The following PLEKHH1 variants were observed in gnomAD, a reference collection of about 807,000 sequenced individuals.
PLEKHH1 encodes the protein pleckstrin homology domain-containing family H member 1.
Under a neutral mutation model 160.0 loss-of-function variants are expected in PLEKHH1, and 104 were observed. That is an observed-to-expected ratio of 0.65 (90% CI 0.55 to 0.76). PLEKHH1 has a LOEUF of 0.76. Ranked by LOEUF, PLEKHH1 falls within the 30% of genes least tolerant of loss-of-function variation. The probability of loss-of-function intolerance (pLI) is 0.00; values close to 1 mark genes in which losing one functional copy is unlikely to be tolerated. For missense variants in PLEKHH1, 1,427 were observed against 1,724.1 expected (o/e 0.83, Z 3.05); for synonymous variants, 619 against 678.4 (o/e 0.91, Z 1.36).
intron 2 of PLEKHH1, among the ~76,000 whole-genome samples, chr14:67,542,512 G>A (rs776852296): frequency 6.6e-6 from 1 of 152,074 alleles, no homozygotes; most frequent in Non-Finnish European, 1.5e-5. Flanking sequence ...AAACACAAAT[G>A]TCTACTTCTA....
At position 67,574,021 on chromosome 14, in the gene PLEKHH1, A is replaced by G; in HGVS notation, c.1926+134A>G. The G allele has an allele frequency of 1.4e-6, 1 of 725,694 alleles. No homozygotes were observed. Among genetic ancestry groups the G allele is most frequent in the East Asian group, 2.7e-5 (1 of 37,726 alleles). The allele number at this position is 725,694 out of a possible 1,614,324, so 45.0% of individuals were successfully genotyped here. A position where few individuals can be genotyped will look rare whatever the true frequency, so the allele number is the denominator to read the frequency against. Reference sequence around the variant, plus strand: ...AGATCAACATTTGGACGTGATCCTAACTTGTGAGTACAAGAAAGGAAGATG... The same window carrying G: ...AGATCAACATTTGGACGTGATCCTAGCTTGTGAGTACAAGAAAGGAAGATG... On this transcript the variant is annotated intron_variant, in intron 13 of 28. Coordinates refer to ENST00000329153, the MANE Select transcript of PLEKHH1 (RefSeq NM_020715.3). The surrounding 1 kb of genome is among the most constrained non-coding windows in gnomAD (Gnocchi z 4.2).
At chr14:67,564,680 T>C (rs867912275) in intron 7 of PLEKHH1, among the ~76,000 whole-genome samples, 1 of 150,698 alleles carries the variant, frequency 6.6e-6, no homozygotes, top group Middle Eastern at 3.4e-3. Flanking sequence ...CTGACATTTT[T>C]TTTTTCTTTT....
At position 67,588,644 on chromosome 14, in the gene PLEKHH1, CT is replaced by C. The variant is rs2036268351; in HGVS notation, c.*1410del. On this transcript the variant is annotated 3_prime_UTR_variant, in exon 29 of 29. Transcript: ENST00000329153. ...AAAACAAAACGAAAGAGTTCATACT[CT>C]GATTTTCCAACATCTAGGAAACTGA... 1 of 152,236 alleles carries C rather than the reference CT, an allele frequency of 6.6e-6. No homozygotes were observed. The highest frequency in any genetic ancestry group is 2.4e-5 in the African/African-American group (1 of 41,436). 9.4% of individuals were successfully genotyped at this position (152,236 alleles called of 1,614,324 possible).
chr14:67,579,764 A>G lies in PLEKHH1; in HGVS notation c.3071A>G (p.Gln1024Arg). ...TCTTCCACGGTTGATGAGTTCCTCC[A>G]GCGGCTGAACCAGGAGATAGGCATG... Reference protein sequence around the residue: ...DGSSTVDEFLQRLNQEIGMRK... With the variant: ...DGSSTVDEFLRRLNQEIGMRK... The change falls in exon 22 of 29, where the codon CAG (glutamine) becomes CGG (arginine). Residue 1024 changes from glutamine to arginine, a missense_variant. Gln to Arg is a conservative substitution (Grantham distance 43, BLOSUM62 1). Transcript: ENST00000329153. 1 of 1,612,890 alleles carries G rather than the reference A, an allele frequency of 6.2e-7. No individual in the cohort carries two copies. Among genetic ancestry groups the G allele is most frequent in the Non-Finnish European group, 8.5e-7 (1 of 1,179,480 alleles).
chr14:67,578,477 A>C lies in PLEKHH1; in HGVS notation c.2752-57A>C. 1 of 1,184,850 alleles carries C rather than the reference A, an allele frequency of 8.4e-7. No homozygotes were observed. The highest frequency in any genetic ancestry group is 1.2e-6 in the Non-Finnish European group (1 of 807,248). The allele number at this position is 1,184,850 out of a possible 1,614,324, so 73.4% of individuals were successfully genotyped here. ...GAAGGCTCTGTAGCTCAGGGCTATG[A>C]GGACAGGTGGTGCTGTAGGCCCAGC... On this transcript the variant is annotated intron_variant, in intron 19 of 28. Coordinates refer to ENST00000329153, the MANE Select transcript of PLEKHH1 (RefSeq NM_020715.3). This position sits in a 1 kb window ranked among gnomAD's most constrained non-coding sequence, Gnocchi z 5.0.
rs765267424 is a variant in PLEKHH1, at chr14:67,578,792, C to T, written c.2849+161C>T. Among the ~76,000 whole-genome samples the T allele has an allele frequency of 1.3e-4, 20 of 152,164 alleles. No homozygotes were observed. The highest frequency in any genetic ancestry group is 2.0e-4 in the Admixed American group (3 of 15,264). On this transcript the variant is annotated intron_variant, in intron 20 of 28. Transcript: ENST00000329153. The surrounding 1 kb of genome is among the most constrained non-coding windows in gnomAD (Gnocchi z 5.0). ...CCATTGCCGTGTGCACAAATGGGCA[C>T]GTGTGGATCTGGGCATGCTTAAGCT...
At chr14:67,555,208 G>A (rs2034545654) in intron 2 of PLEKHH1, among the ~76,000 whole-genome samples, 1 of 152,244 alleles carries the variant, frequency 6.6e-6, no homozygotes, top group Non-Finnish European at 1.5e-5. Context: ...ATGAGCCACT[G>A]TGACCAGCTC....
chr14:67,549,126 T>G (rs1007857346), intron 2 of PLEKHH1, among the ~76,000 whole-genome samples: 4 of 152,172 alleles, frequency 2.6e-5, no homozygotes, highest in African/African-American at 9.7e-5. Flanking sequence ...GTTGGAAGTA[T>G]GTTGAAGTTT....
At chr14:67,584,226 C>A in intron 26 of PLEKHH1, 102 bp downstream of exon 26, 2 of 1,131,004 alleles carry the variant, frequency 1.8e-6, no homozygotes, top group Non-Finnish European at 2.5e-6. Context: ...TACCAGTAAC[C>A]ACCAGAGGTC....
rs749496824 is a variant in PLEKHH1 at position 67,579,766 on chromosome 14, C to T, written c.3073C>T (p.Arg1025Trp). 45 of 1,612,582 alleles carry T rather than the reference C, an allele frequency of 2.8e-5. No homozygotes were observed. Among genetic ancestry groups the T allele is most frequent in the East Asian group, 1.1e-4 (5 of 44,870 alleles). ...TTCCACGGTTGATGAGTTCCTCCAGCGGCTGAACCAGGAGATAGGCATGAG... is the reference window on the plus strand; with the variant it reads ...TTCCACGGTTGATGAGTTCCTCCAGTGGCTGAACCAGGAGATAGGCATGAG... ...GSSTVDEFLQ[R>W]LNQEIGMRKP... Residue 1025 changes from arginine (R) to tryptophan (W), a missense_variant, in exon 22 of 29, where the codon CGG becomes TGG. By Grantham distance (101) the Arg-to-Trp change is moderately radical. Transcript: ENST00000329153.
intron 7 of PLEKHH1, among the ~76,000 whole-genome samples, chr14:67,567,459 C>A (rs2035157264): frequency 6.6e-6 from 1 of 152,164 alleles, no homozygotes; most frequent in African/African-American, 2.4e-5. Flanking sequence ...AGAGGCTTGT[C>A]CTTGGTTAAA....
intron 7 of PLEKHH1, among the ~76,000 whole-genome samples, chr14:67,568,211 T>C (rs2035200397): frequency 6.6e-6 from 1 of 151,990 alleles, no homozygotes; most frequent in Admixed American, 6.5e-5. Flanking sequence ...CCATCAATGG[T>C]AGACTGGATA....
chr14:67,567,421 A>G (rs2035155131), intron 7 of PLEKHH1, among the ~76,000 whole-genome samples: 1 of 152,028 alleles, frequency 6.6e-6, no homozygotes, highest in African/African-American at 2.4e-5. Context: ...AATCCTTCAA[A>G]CTTCAGTTTC....
At chr14:67,585,749 CATG>C in intron 27 of PLEKHH1, 95 bp downstream of exon 27, 1 of 1,055,550 alleles carries the variant, frequency 9.5e-7, no homozygotes, top group South Asian at 1.5e-5. Flanking sequence ...ACCAAGTGAC[CATG>C]GCTGCCCTAC....
intron 28 of PLEKHH1, chr14:67,586,862 T>G: frequency 6.6e-7 from 1 of 1,511,856 alleles, no homozygotes; most frequent in Non-Finnish European, 8.8e-7. Context: ...GCACTGTGCA[T>G]CTGAGAGGAT....
In PLEKHH1 at chr14:67,573,861, C is replaced by T. The variant is rs758826705; in HGVS notation, c.1900C>T (p.Arg634Ter). 6.2e-7 allele frequency: 1 copy of T among 1,613,384 alleles called. No individual in the cohort carries two copies. The highest frequency in any genetic ancestry group is 8.5e-7 in the Non-Finnish European group (1 of 1,179,398). The change falls in exon 13 of 29, where the codon CGA (arginine) becomes TGA (stop). Residue 634 changes from arginine (R) to a stop codon, truncating the protein, a stop_gained. Transcript: ENST00000329153. LOFTEE classifies it high-confidence loss of function. The surrounding 1 kb of genome is among the most constrained non-coding windows in gnomAD (Gnocchi z 4.8). ...TCTGAACTCCCGCTGCCAAATTGTTCGAGGGGAGGGTTCACAGACGTTTCA... is the reference window on the plus strand; with the variant it reads ...TCTGAACTCCCGCTGCCAAATTGTTTGAGGGGAGGGTTCACAGACGTTTCA... ...VDLNSRCQIV[R>*]GEGSQTFQLI...
In PLEKHH1 at chr14:67,562,404, A is replaced by G. The variant is rs202043227; in HGVS notation, c.773A>G (p.His258Arg). ...ETVEAKPLQP[H>R]LGRESPPHQP... ...GTAGAGGCCAAGCCCCTTCAACCTC[A>G]TCTGGGAAGAGAGAGCCCTCCCCAC... Residue 258 changes from histidine (H) to arginine (R), a missense_variant, in exon 7 of 29, where the codon CAT becomes CGT. Physicochemically the swap from His to Arg is conservative, Grantham distance 29. Around this residue, in one of 6 missense-constraint regions of PLEKHH1, gnomAD observed 831 missense variants for 929.2 expected, o/e 0.89. Coordinates refer to ENST00000329153, the MANE Select transcript of PLEKHH1 (RefSeq NM_020715.3). The G allele has an allele frequency of 6.2e-6, 10 of 1,613,866 alleles. No homozygotes were observed. Among genetic ancestry groups the G allele is most frequent in the Non-Finnish European group, 3.4e-6 (4 of 1,179,766 alleles).
At position 67,578,872 on chromosome 14, in the gene PLEKHH1, A is replaced by G. The variant is rs2035755406; in HGVS notation, c.2849+241A>G. ...ATGTACTGTGGCAACTCTCACATGA[A>G]GCCACACTGCTCCCAAACTGTCCCC... On this transcript the variant is annotated intron_variant, in intron 20 of 28. Coordinates refer to ENST00000329153, the MANE Select transcript of PLEKHH1 (RefSeq NM_020715.3). The surrounding 1 kb of genome is among the most constrained non-coding windows in gnomAD (Gnocchi z 5.0). Among the ~76,000 whole-genome samples the G allele has an allele frequency of 6.6e-6, 1 of 152,222 alleles. No individual in the cohort carries two copies. Among genetic ancestry groups the G allele is most frequent in the Admixed American group, 6.5e-5 (1 of 15,286 alleles).
At chr14:67,550,308 C>T (rs2034347000) in intron 2 of PLEKHH1, among the ~76,000 whole-genome samples, 1 of 152,174 alleles carries the variant, frequency 6.6e-6, no homozygotes, top group African/African-American at 2.4e-5. Flanking sequence ...CCCACCTTAG[C>T]CTCCTAAGTA....
Sources: allele counts gnomAD v4.1 joint callset (sites outside exome capture counted in the v4.1 genomes callset), GRCh38; gene constraint gnomAD v4.1.1; regional missense constraint gnomAD v4.1.1; non-coding constraint Gnocchi (gnomAD v3.1); transcripts MANE v1.5; gene names NCBI Gene and HGNC (gene_info 2026-07-23, HGNC 2026-07-21).